The following PRKD1 variants were observed in gnomAD, a reference collection of about 807,000 sequenced individuals.
PRKD1 encodes the protein serine/threonine-protein kinase D1.
PRKD1 carries 63 observed loss-of-function variants against 95.9 expected under a neutral mutation model. That is an observed-to-expected ratio of 0.66 (90% CI 0.54 to 0.81). PRKD1 has a LOEUF of 0.81. Ranked by LOEUF, PRKD1 falls within the 30% of genes least tolerant of loss-of-function variation. The pLI, the probability that PRKD1 is intolerant of heterozygous loss-of-function variation, is 0.00. For missense variants in PRKD1, 1,048 were observed against 1,165.3 expected, an observed-to-expected ratio of 0.90 and a Z score of 1.47; for synonymous variants, 425 against 423.1, an observed-to-expected ratio of 1.00 and a Z score of -0.05.
chr14:29,619,164 G>T (rs1879075286), intron 13 of PRKD1, among the ~76,000 whole-genome samples: 2 of 151,848 alleles, frequency 1.3e-5, no homozygotes, highest in African/African-American at 4.8e-5. Context: ...TTCAATCACG[G>T]TACTTTTTTT....
intron 1 of PRKD1, among the ~76,000 whole-genome samples, chr14:29,848,188 C>T (rs1169284839): frequency 1.3e-5 from 2 of 152,086 alleles, no homozygotes; most frequent in Non-Finnish European, 1.5e-5. Context: ...CCAAGATGGG[C>T]AAAAAGGACA....
At chr14:29,593,275 T>G (rs1893193861) in intron 16 of PRKD1, among the ~76,000 whole-genome samples, 1 of 152,218 alleles carries the variant, frequency 6.6e-6, no homozygotes, top group African/African-American at 2.4e-5. Context: ...AAACACCATT[T>G]GCTAAGTTTT....
chr14:29,767,683 A>G (rs1888315664), intron 1 of PRKD1, among the ~76,000 whole-genome samples: 2 of 152,196 alleles, frequency 1.3e-5, no homozygotes, highest in Admixed American at 1.3e-4. Context: ...TGTTCCTATT[A>G]ATGTGGCATG....
chr14:29,849,926 C>T (rs979017641), intron 1 of PRKD1, among the ~76,000 whole-genome samples: 66 of 152,178 alleles, frequency 4.3e-4, no homozygotes, highest in African/African-American at 1.5e-3. Flanking sequence ...TGATTTCCCA[C>T]GTAAACAGAA....
At chr14:29,922,227 G>C (rs1342273329) in intron 1 of PRKD1, among the ~76,000 whole-genome samples, 1 of 151,580 alleles carries the variant, frequency 6.6e-6, no homozygotes, top group Non-Finnish European at 1.5e-5. Context: ...TGTGAACCCA[G>C]GAGGCAGAGT....
At chr14:29,895,456 G>T (rs996369002) in intron 1 of PRKD1, among the ~76,000 whole-genome samples, 23 of 151,934 alleles carry the variant, frequency 1.5e-4, no homozygotes, top group Non-Finnish European at 2.8e-4. Flanking sequence ...CGCCCTCCCT[G>T]TTCCCACTCT....
intron 1 of PRKD1, among the ~76,000 whole-genome samples, chr14:29,879,993 G>A (rs1481615552): frequency 6.6e-6 from 1 of 152,156 alleles, no homozygotes; most frequent in Non-Finnish European, 1.5e-5. Flanking sequence ...AAGGGAAGCA[G>A]AGCATAAAGG....
intron 2 of PRKD1, among the ~76,000 whole-genome samples, chr14:29,724,265 G>A (rs944786473): frequency 2.6e-5 from 4 of 152,152 alleles, no homozygotes; most frequent in African/African-American, 9.7e-5. Flanking sequence ...TCTGGACATT[G>A]ACACAAGGCA....
At chr14:29,603,091 G>T (rs1329309792) in intron 13 of PRKD1, among the ~76,000 whole-genome samples, 14 of 152,150 alleles carry the variant, frequency 9.2e-5, no homozygotes, top group Non-Finnish European at 1.5e-5. Flanking sequence ...TCAGACTCAA[G>T]GCTAAGTATA....
At chr14:29,910,612 A>C (rs1451262518) in intron 1 of PRKD1, among the ~76,000 whole-genome samples, 6 of 152,216 alleles carry the variant, frequency 3.9e-5, no homozygotes, top group Non-Finnish European at 5.9e-5. Context: ...TCTTTCATGT[A>C]GATAAAAAAG....
At chr14:29,908,466 C>A (rs1894573303) in intron 1 of PRKD1, among the ~76,000 whole-genome samples, 1 of 151,668 alleles carries the variant, frequency 6.6e-6, no homozygotes, top group African/African-American at 2.4e-5. Context: ...GCTAATTTTT[C>A]CGTAGAGACG....
chr14:29,830,073 G>C (rs1220958177), intron 1 of PRKD1, among the ~76,000 whole-genome samples: 1 of 152,100 alleles, frequency 6.6e-6, no homozygotes, highest in Non-Finnish European at 1.5e-5. Flanking sequence ...CATTTGTTCT[G>C]AATTCAAAGA....
rs57902108 is a variant in PRKD1, at chr14:29,839,683, C to T, written c.264+87566G>A. 1.5e-3 allele frequency among the ~76,000 whole-genome samples: 228 copies of T among 152,018 alleles called. 2 individuals carry two copies. Among genetic ancestry groups the T allele is most frequent in the African/African-American group, 5.4e-3 (222 of 41,492 alleles). On this transcript the variant is annotated intron_variant, in intron 1 of 17. Transcript: ENST00000331968. ...TTCTGCTTGGACATCCCAGCATTTC[C>T]ATATATCCTCTGAAATCTAGGCAGA...
At chr14:29,826,746 C>CATATATATACAT (rs1891167172) in intron 1 of PRKD1, among the ~76,000 whole-genome samples, 1 of 49,188 alleles carries the variant, frequency 2.0e-5, no homozygotes, top group African/African-American at 9.3e-5. Flanking sequence ...TATATATACA[C>CATATATATACAT]ATATATATAT....
intron 1 of PRKD1, among the ~76,000 whole-genome samples, chr14:29,840,428 C>T (rs1891791397): frequency 6.6e-6 from 1 of 152,130 alleles, no homozygotes; most frequent in Non-Finnish European, 1.5e-5. Context: ...CCAGGGAGTT[C>T]CAAACTTTCC....
At chr14:29,765,922 C>T (rs561663717) in intron 1 of PRKD1, among the ~76,000 whole-genome samples, 13 of 152,172 alleles carry the variant, frequency 8.5e-5, no homozygotes, top group African/African-American at 2.6e-4. Context: ...GGAGAGCTGG[C>T]AATATTCCTT....
chr14:29,720,702 C>T (rs1177676586), intron 2 of PRKD1, among the ~76,000 whole-genome samples: 1 of 151,852 alleles, frequency 6.6e-6, no homozygotes, highest in Admixed American at 6.6e-5. Flanking sequence ...ATTGCTTAAA[C>T]CCGGGAGGTG....
At chr14:29,863,257 T>C (rs1892770860) in intron 1 of PRKD1, among the ~76,000 whole-genome samples, 1 of 152,178 alleles carries the variant, frequency 6.6e-6, no homozygotes, top group African/African-American at 2.4e-5. Flanking sequence ...ATCATTCTCT[T>C]TGTCTTTTAA....
chr14:29,739,653 A>T (rs1418870994), intron 1 of PRKD1, among the ~76,000 whole-genome samples: 3 of 152,218 alleles, frequency 2.0e-5, no homozygotes, highest in Non-Finnish European at 4.4e-5. Context: ...AGAAATACAC[A>T]TATAACTGGA....
Sources: gnomAD v4.1 joint callset for allele counts (sites outside exome capture counted in the v4.1 genomes callset) on GRCh38, gnomAD v4.1.1 for gene constraint, MANE v1.5 for transcripts, NCBI Gene and HGNC (gene_info 2026-07-23, HGNC 2026-07-21) for gene names.